The following GPC5 variants were observed in gnomAD, a reference collection of about 807,000 sequenced individuals.
The protein encoded by GPC5 is glypican 5.
In GPC5, 47 loss-of-function variants were observed where a neutral mutation model predicts 53.9. The ratio of observed to expected loss-of-function variants is 0.87; its 90% CI spans 0.69 to 1.11. The LOEUF (loss-of-function observed/expected upper bound fraction) is 1.11. GPC5 is among the 50% of genes most tolerant of loss of function. The pLI is 0.00. For missense variants in GPC5, 748 were observed against 713.1 expected, an observed-to-expected ratio of 1.05 and a Z score of -0.56; for synonymous variants, 286 against 263.3, an observed-to-expected ratio of 1.09 and a Z score of -0.84.
In GPC5 at chr13:92,618,243, T is replaced by C. The variant is rs369523984; in HGVS notation, c.1562-248039T>C. ...GTAAGATTTTATTGACATATGTCTT[T>C]CAGGCCAAACTAACGTAGTATTATT... is the stretch of plus-strand genomic sequence containing the variant. On this transcript the variant is annotated intron_variant, in intron 7 of 7. Transcript: ENST00000377067. 3.9e-5 allele frequency among the ~76,000 whole-genome samples: 6 copies of C among 152,280 alleles called. No individual in the cohort carries two copies. The South Asian group carries it at 1.0e-3, about 26-fold the overall frequency.
intron 6 of GPC5, among the ~76,000 whole-genome samples, chr13:91,975,058 G>A (rs921168733): frequency 6.6e-6 from 1 of 152,286 alleles, no homozygotes; most frequent in Middle Eastern, 3.4e-3. Context: ...GGGAAAACTG[G>A]CTAGACATAT....
intron 7 of GPC5, among the ~76,000 whole-genome samples, chr13:92,671,367 A>G (rs909738258): frequency 4.6e-5 from 7 of 152,218 alleles, no homozygotes; most frequent in African/African-American, 1.7e-4. Context: ...AAAAGTATAC[A>G]TAATTCACAG....
chr13:92,543,310 T>G (rs775862937), intron 7 of GPC5, among the ~76,000 whole-genome samples: 11 of 152,098 alleles, frequency 7.2e-5, no homozygotes, highest in Non-Finnish European at 1.5e-4. Context: ...CAACTCACAA[T>G]TTGTTTCTCT....
chr13:91,821,074 C>A (rs528963291), intron 5 of GPC5, among the ~76,000 whole-genome samples: 1 of 151,696 alleles, frequency 6.6e-6, no homozygotes, highest in African/African-American at 2.4e-5. Flanking sequence ...GGTGGGATAA[C>A]ATTCTATTCA....
intron 5 of GPC5, among the ~76,000 whole-genome samples, chr13:91,767,142 T>C (rs1027818027): frequency 1.3e-5 from 2 of 152,198 alleles, no homozygotes; most frequent in African/African-American, 4.8e-5. Context: ...TGGCCTCTAG[T>C]GAAGTTTCTT....
At chr13:92,543,633 TAGA>T (rs922769373) in intron 7 of GPC5, among the ~76,000 whole-genome samples, 1 of 152,028 alleles carries the variant, frequency 6.6e-6, no homozygotes, top group Non-Finnish European at 1.5e-5. Context: ...CTGGGAAGGA[TAGA>T]AGGAGAGTCT....
intron 7 of GPC5, among the ~76,000 whole-genome samples, chr13:92,762,041 T>C (rs751087404): frequency 6.8e-5 from 10 of 147,320 alleles, no homozygotes; most frequent in Admixed American, 2.0e-4. Context: ...GTCCTTCAAA[T>C]AGAAAAAAAA....
chr13:92,584,141 T>C (rs893896977), intron 7 of GPC5, among the ~76,000 whole-genome samples: 2 of 152,114 alleles, frequency 1.3e-5, no homozygotes, highest in African/African-American at 4.8e-5. Flanking sequence ...CTCCAAAATA[T>C]GGAAGCAACT....
intron 3 of GPC5, among the ~76,000 whole-genome samples, chr13:91,724,369 A>G (rs1214119225): frequency 1.3e-5 from 2 of 152,086 alleles, no homozygotes; most frequent in African/African-American, 4.8e-5. Context: ...TTACCCTGAC[A>G]TCCAAGGGAC....
chr13:92,404,621 C>A lies in GPC5; in HGVS notation c.1561+259632C>A, dbSNP rs764149905. Among the ~76,000 whole-genome samples, 29 of 150,744 alleles carry A rather than the reference C, an allele frequency of 1.9e-4. 2 individuals are homozygous for A. Among genetic ancestry groups the A allele is most frequent in the Non-Finnish European group, 3.5e-4 (24 of 67,668 alleles). On this transcript the variant is annotated intron_variant, in intron 7 of 7. Coordinates refer to ENST00000377067, the MANE Select transcript of GPC5 (RefSeq NM_004466.6). ...TCGGTTAATAAATAATCATTCACAG[C>A]AACTGGGAAATGGTTTACATTCTTA...
Position 92,758,992 on chromosome 13 carries a change from C to A in GPC5, c.1562-107290C>A, listed in dbSNP as rs1428451554. On this transcript the variant is annotated intron_variant, in intron 7 of 7. Coordinates refer to ENST00000377067, the MANE Select transcript of GPC5 (RefSeq NM_004466.6). ...TCCAGAGAATATCCTTTTCCCATTG[C>A]GGTTTTTTTTTTTTTTTTTTTTTTT... 2.2e-3 allele frequency among the ~76,000 whole-genome samples: 155 copies of A among 71,726 alleles called. 1 individual carries two copies. The highest frequency in any genetic ancestry group is 3.2e-3 in the Non-Finnish European group (132 of 40,748). 47.1% of individuals were successfully genotyped at this position (71,726 alleles called of 152,430 possible).
At chr13:91,933,789 C>T (rs899035826) in intron 6 of GPC5, among the ~76,000 whole-genome samples, 1 of 151,892 alleles carries the variant, frequency 6.6e-6, no homozygotes, top group Non-Finnish European at 1.5e-5. Flanking sequence ...AATGTAAGTT[C>T]TCTGAAGACT....
chr13:92,223,800 G>C (rs888076508), intron 7 of GPC5, among the ~76,000 whole-genome samples: 5 of 152,014 alleles, frequency 3.3e-5, no homozygotes. Flanking sequence ...GGAACAAAAA[G>C]CAAATAACAA....
chr13:92,825,308 A>G (rs2138814500), intron 7 of GPC5, among the ~76,000 whole-genome samples: 2 of 152,272 alleles, frequency 1.3e-5, no homozygotes, highest in African/African-American at 4.8e-5. Context: ...TTTTAAGGAC[A>G]CCAAAGGTAG....
intron 7 of GPC5, among the ~76,000 whole-genome samples, chr13:92,520,957 A>C (rs774330274): frequency 6.6e-6 from 1 of 152,220 alleles, no homozygotes; most frequent in Non-Finnish European, 1.5e-5. Context: ...TCAATGTGCA[A>C]AAATCACAAG....
chr13:92,097,218 A>T (rs943731697), intron 6 of GPC5, among the ~76,000 whole-genome samples: 3 of 152,326 alleles, frequency 2.0e-5, no homozygotes, highest in South Asian at 2.1e-4. Flanking sequence ...AGGAGAACAC[A>T]TAAATTGTAC....
chr13:92,863,415 C>T (rs946475827), intron 7 of GPC5, among the ~76,000 whole-genome samples: 2 of 152,224 alleles, frequency 1.3e-5, no homozygotes, highest in African/African-American at 4.8e-5. Context: ...GACACCACAG[C>T]AAGGGCTCTG....
intron 6 of GPC5, among the ~76,000 whole-genome samples, chr13:92,141,413 AT>A (rs1189090683): frequency 6.6e-6 from 1 of 152,178 alleles, no homozygotes; most frequent in African/African-American, 2.4e-5. Flanking sequence ...GAGAGGGGTT[AT>A]TAAGAGGTAA....
At chr13:91,583,554 A>G (rs994323088) in intron 2 of GPC5, among the ~76,000 whole-genome samples, 2 of 152,210 alleles carry the variant, frequency 1.3e-5, no homozygotes, top group Non-Finnish European at 2.9e-5. Flanking sequence ...AATATTATTG[A>G]AGAAAAGCAG....
Sources: allele counts gnomAD v4.1 joint callset (sites outside exome capture counted in the v4.1 genomes callset), GRCh38; gene constraint gnomAD v4.1.1; transcripts MANE v1.5; gene names NCBI Gene and HGNC (gene_info 2026-07-23, HGNC 2026-07-21).